RASEF: variants seen among roughly 807,000 people sequenced by gnomAD.
RASEF encodes the protein RAS and EF-hand domain containing.
In RASEF, 68 loss-of-function variants were observed where a neutral mutation model predicts 90.1. That is an observed-to-expected ratio of 0.75 (90% confidence interval 0.62 to 0.92). The LOEUF is 0.92. RASEF is among the 40% of genes least tolerant of loss of function. RASEF has a pLI of 0.00. For missense variants in RASEF, 949 were observed against 937.2 expected, an observed-to-expected ratio of 1.01 and a Z score of -0.16; for synonymous variants, 331 against 345.2, an observed-to-expected ratio of 0.96 and a Z score of 0.46.
chr9:83,059,979 G>A (rs1830176918), intron 1 of RASEF, among the ~76,000 whole-genome samples: 1 of 152,144 alleles, frequency 6.6e-6, no homozygotes, highest in Admixed American at 6.5e-5. Flanking sequence ...CTGATGACTG[G>A]CGAGTTTAAC....
chr9:83,043,953 C>T (rs542846256), intron 1 of RASEF, among the ~76,000 whole-genome samples: 9 of 152,270 alleles, frequency 5.9e-5, no homozygotes, highest in African/African-American at 2.2e-4. Flanking sequence ...GCCCGCTGAG[C>T]TGCTGGGAAC....
At chr9:82,999,728 C>T (rs1460834983) in intron 12 of RASEF, among the ~76,000 whole-genome samples, 4 of 151,748 alleles carry the variant, frequency 2.6e-5, no homozygotes, top group Non-Finnish European at 4.4e-5. Context: ...CTCAGCCTCC[C>T]GAGTTGCTGG....
At chr9:83,096,886 G>A in the RASEF span, among the ~76,000 whole-genome samples, 2 of 151,194 alleles carry the variant, frequency 1.3e-5, no homozygotes, top group African/African-American at 4.9e-5. Context: ...TGCAGTGTTT[G>A]GTTTTTTGTC....
the RASEF span, among the ~76,000 whole-genome samples, chr9:83,131,189 A>G: frequency 3.3e-5 from 5 of 152,222 alleles, no homozygotes; most frequent in African/African-American, 7.2e-5. Flanking sequence ...AATATTTTCA[A>G]TGAACAAAAC....
the RASEF span, among the ~76,000 whole-genome samples, chr9:83,115,545 T>C: frequency 6.6e-6 from 1 of 152,214 alleles, no homozygotes; most frequent in African/African-American, 2.4e-5. Context: ...GGGCATTTTC[T>C]TCTCTTCCAT....
At chr9:83,132,866 T>G in the RASEF span, among the ~76,000 whole-genome samples, 17 of 152,204 alleles carry the variant, frequency 1.1e-4, no homozygotes, top group Admixed American at 1.1e-3. Flanking sequence ...TGGTAATAAA[T>G]TGAAGAACAA....
At chr9:83,090,640 G>C in the RASEF span, among the ~76,000 whole-genome samples, 3 of 152,034 alleles carry the variant, frequency 2.0e-5, no homozygotes, top group Non-Finnish European at 4.4e-5. Flanking sequence ...TTAACCTCAG[G>C]TGATCCGCCT....
chr9:83,007,439 G>T lies in RASEF; in HGVS notation c.1026C>A (p.Leu342=). 1 of 1,604,144 alleles carries T rather than the reference G, an allele frequency of 6.2e-7. No individual in the cohort carries two copies. The highest frequency in any genetic ancestry group is 2.2e-5 in the East Asian group (1 of 44,822). Residue 342 remains leucine, a splice_region_variant and synonymous_variant, in exon 7 of 17, where the codon CTC becomes CTA. Transcript: ENST00000376447. ...RNSLERQIEI[L]QTANRKLHDS... ...GAGCATTTGATCTGCGGACTTACTG[G>T]AGTATTTCAATTTGCCTCTCAAGAC... is the stretch of plus-strand genomic sequence containing the variant.
At chr9:83,162,495 T>G in the RASEF span, among the ~76,000 whole-genome samples, 1 of 152,208 alleles carries the variant, frequency 6.6e-6, no homozygotes, top group Non-Finnish European at 1.5e-5. Context: ...CGTTTTTGAA[T>G]GAAAATATTT....
chr9:83,086,156 T>G, the RASEF span, among the ~76,000 whole-genome samples: 2 of 152,188 alleles, frequency 1.3e-5, no homozygotes, highest in African/African-American at 4.8e-5. Context: ...CTAGGTGTTA[T>G]GCGTATGTGA....
At chr9:83,007,297 CACACCCTGAGAAGAA>C in intron 7 of RASEF, 125 bp downstream of exon 7, 1 of 687,096 alleles carries the variant, frequency 1.5e-6, no homozygotes, top group Non-Finnish European at 2.6e-6. Flanking sequence ...ATGCCAAGTG[CACACCCTGAGAAGAA>C]ACACCCACTG....
the RASEF span, among the ~76,000 whole-genome samples, chr9:83,210,177 G>A: frequency 6.6e-6 from 1 of 152,122 alleles, no homozygotes. Flanking sequence ...AGTGGCTTTT[G>A]CAATGCATTC....
the RASEF span, among the ~76,000 whole-genome samples, chr9:83,160,257 T>G: frequency 6.6e-6 from 1 of 152,196 alleles, no homozygotes; most frequent in South Asian, 2.1e-4. Flanking sequence ...AGTTTGGAAC[T>G]CCCTAGAGAC....
chr9:83,092,677 C>T, the RASEF span, among the ~76,000 whole-genome samples: 2 of 152,062 alleles, frequency 1.3e-5, no homozygotes, highest in African/African-American at 2.4e-5. Flanking sequence ...GAAGGGGACC[C>T]GAGCGGGTTG....
intron 9 of RASEF, among the ~76,000 whole-genome samples, chr9:83,002,625 T>C (rs1266406328): frequency 6.6e-6 from 1 of 151,914 alleles, no homozygotes; most frequent in African/African-American, 2.4e-5. Context: ...TTTAGGTCCA[T>C]CTATAAAGCA....
intron 7 of RASEF, 98 bp downstream of exon 7, chr9:83,007,339 T>G: frequency 1.0e-6 from 1 of 952,826 alleles, no homozygotes; most frequent in Non-Finnish European, 1.7e-6. Flanking sequence ...AAACCCAGTG[T>G]TCAGAACATG....
Position 82,980,643 on chromosome 9 carries a change from A to G in RASEF, c.*2034T>C, listed in dbSNP as rs1370110403. 1 of 152,222 alleles carries G rather than the reference A, an allele frequency of 6.6e-6. No individual in the cohort carries two copies. The highest frequency in any genetic ancestry group is 1.5e-5 in the Non-Finnish European group (1 of 68,038). 9.4% of individuals were successfully genotyped at this position (152,222 alleles called of 1,614,324 possible). ...ATATAAACTAACACAGTTTTGTGCA[A>G]CTGCACCAAAACCTAAACATGTGTC... On this transcript the variant is annotated 3_prime_UTR_variant, in exon 17 of 17. Transcript: ENST00000376447.
Position 82,982,683 on chromosome 9 carries a change from A to T in RASEF, c.2217T>A (p.Asn739Lys). ...KKSPQMKNCC[N>K]G ...GGCCAAGGATGTTTGGGATTTAGCC[A>T]TTGCAACAATTCTTCATCTGTGGTG... The change falls in exon 17 of 17, where the codon AAT becomes AAA. Residue 739 changes from asparagine (N) to lysine (K), a missense_variant. Asn to Lys is a moderately conservative substitution (Grantham distance 94). This residue lies in a region of RASEF where 288 missense variants were observed against 328.4 expected (regional missense o/e 0.88). Transcript: ENST00000376447. 1 of 1,562,252 alleles carries T rather than the reference A, an allele frequency of 6.4e-7. No homozygotes were observed. Among genetic ancestry groups the T allele is most frequent in the Non-Finnish European group, 8.8e-7 (1 of 1,132,704 alleles).
Position 82,997,036 on chromosome 9 carries a change from T to C in RASEF, c.1896A>G (p.Ile632Met), listed in dbSNP as rs753693952. Residue 632 changes from isoleucine (I) to methionine (M), a missense_variant, in exon 14 of 17, where the codon ATA (isoleucine) becomes ATG (methionine). Physicochemically the swap from Ile to Met is conservative, Grantham distance 10. Around this residue, in one of 3 missense-constraint regions of RASEF, gnomAD observed 288 missense variants for 328.4 expected, o/e 0.88. Coordinates refer to ENST00000376447, the MANE Select transcript of RASEF (RefSeq NM_152573.4). Reference sequence around the variant, plus strand: ...CCTCAATCATATCTACCCATTCTCGTATGTTAAGAAAGCTTTTCTCACATG... The same window carrying C: ...CCTCAATCATATCTACCCATTCTCGCATGTTAAGAAAGCTTTTCTCACATG... ...DVTCEKSFLN[I>M]REWVDMIEDA... 2 of 1,605,884 alleles carry C rather than the reference T, an allele frequency of 1.2e-6. No individual in the cohort carries two copies. Among genetic ancestry groups the C allele is most frequent in the South Asian group, 1.1e-5 (1 of 90,908 alleles).
Sources: gnomAD v4.1 joint callset for allele counts (sites outside exome capture counted in the v4.1 genomes callset) on GRCh38, gnomAD v4.1.1 for gene constraint, gnomAD v4.1.1 regional missense constraint, MANE v1.5 for transcripts, NCBI Gene and HGNC (gene_info 2026-07-23, HGNC 2026-07-21) for gene names.